The following FHIT variants were observed in gnomAD, a reference collection of about 807,000 sequenced individuals.
FHIT encodes bis(5'-adenosyl)-triphosphatase.
In FHIT, 19 loss-of-function variants were observed where a neutral mutation model predicts 17.9. The observed-to-expected ratio is 1.06, with a 90% CI of 0.74 to 1.56. FHIT has a LOEUF of 1.56. Ranked by LOEUF, FHIT falls within the 40% of genes most tolerant of loss-of-function variation. The pLI, the probability that FHIT is intolerant of heterozygous loss-of-function variation, is 0.00. For synonymous variants in FHIT, 81 were observed against 69.7 expected (o/e 1.16, Z -0.81); for missense variants, 248 against 189.2 (o/e 1.31, Z -1.82).
At chr3:60,452,218 C>G (rs949407374) in intron 5 of FHIT, among the ~76,000 whole-genome samples, 26 of 152,280 alleles carry the variant, frequency 1.7e-4, no homozygotes, top group Middle Eastern at 3.4e-3. Context: ...AGCAGCCACA[C>G]TCAATAATAA....
At chr3:60,832,448 A>T (rs1209594526) in intron 3 of FHIT, among the ~76,000 whole-genome samples, 1 of 152,158 alleles carries the variant, frequency 6.6e-6, no homozygotes, top group East Asian at 1.9e-4. Context: ...TGTCTGTGTC[A>T]CTCTCACCCA....
At chr3:60,322,137 C>A (rs1017026001) in intron 5 of FHIT, among the ~76,000 whole-genome samples, 3 of 152,226 alleles carry the variant, frequency 2.0e-5, no homozygotes, top group Admixed American at 1.3e-4. Context: ...GTGGGCCCAA[C>A]AGCTTATTTT....
intron 5 of FHIT, among the ~76,000 whole-genome samples, chr3:60,312,436 C>A (rs980585498): frequency 6.6e-6 from 1 of 152,166 alleles, no homozygotes; most frequent in Non-Finnish European, 1.5e-5. Flanking sequence ...AGCCACCTCA[C>A]CCAGCCACAA....
At chr3:60,064,305 C>T (rs1458336914) in intron 5 of FHIT, among the ~76,000 whole-genome samples, 2 of 152,164 alleles carry the variant, frequency 1.3e-5, no homozygotes, top group African/African-American at 4.8e-5. Context: ...ATTTACTTCA[C>T]TGAACTCCGA....
Position 60,781,483 on chromosome 3 carries a change from T to A in FHIT, c.-18+40436A>T, listed in dbSNP as rs1470735482. 1.2e-4 allele frequency among the ~76,000 whole-genome samples: 18 copies of A among 151,836 alleles called. No homozygotes were observed. In the East Asian group the frequency reaches 1.9e-3, roughly 16 times the overall value. On this transcript the variant is annotated intron_variant, in intron 4 of 9. Transcript: ENST00000492590. ...GAGATTAGTAAGGAGGTTAATATTT[T>A]AAAAAAAATAGAAAAGGGAGAAATA... is the stretch of plus-strand genomic sequence containing the variant.
intron 4 of FHIT, among the ~76,000 whole-genome samples, chr3:60,709,577 T>C (rs1273553960): frequency 1.3e-5 from 2 of 152,224 alleles, no homozygotes; most frequent in African/African-American, 4.8e-5. Context: ...ATGTGAAATT[T>C]TGTAACAGTG....
chr3:59,981,537 A>G (rs1708654656), intron 7 of FHIT, among the ~76,000 whole-genome samples: 1 of 152,146 alleles, frequency 6.6e-6, no homozygotes, highest in African/African-American at 2.4e-5. Context: ...ACAGATTCCC[A>G]CAGTGGCAGT....
At chr3:60,642,080 C>G (rs2039739131) in intron 4 of FHIT, among the ~76,000 whole-genome samples, 1 of 152,078 alleles carries the variant, frequency 6.6e-6, no homozygotes, top group Admixed American at 6.5e-5. Flanking sequence ...GAAAGACTTC[C>G]ATGGGAGTAA....
intron 5 of FHIT, among the ~76,000 whole-genome samples, chr3:60,495,120 C>A (rs1022550743): frequency 6.6e-6 from 1 of 152,174 alleles, no homozygotes; most frequent in Non-Finnish European, 1.5e-5. Flanking sequence ...TTCTCTACAT[C>A]CCCGCCAGCA....
rs373501097 is a variant in FHIT, at chr3:60,011,385, C to T, written c.265G>A (p.Gly89Arg). Reference sequence around the variant, plus strand: ...TAAGCACTCACCTTCACAGTCTGTCCGGCTTCGGGGCCATCCTAGAAGTAG... The same window carrying T: ...TAAGCACTCACCTTCACAGTCTGTCTGGCTTCGGGGCCATCCTAGAAGTAG... ...TFSMQDGPEA[G>R]QTVKHVHVHV... Residue 89 changes from glycine (G) to arginine (R), a missense_variant, in exon 7 of 10, where the codon GGA (glycine) becomes AGA (arginine). Coordinates refer to ENST00000492590, the MANE Select transcript of FHIT (RefSeq NM_002012.4). The T allele has an allele frequency of 2.0e-5, 33 of 1,613,436 alleles. No individual in the cohort carries two copies. The East Asian group carries it at 2.7e-4, about 13-fold the overall frequency.
chr3:60,357,877 T>C (rs1699743381), intron 5 of FHIT, among the ~76,000 whole-genome samples: 1 of 152,140 alleles, frequency 6.6e-6, no homozygotes, highest in Non-Finnish European at 1.5e-5. Context: ...ATTCCATCCT[T>C]CTCCATCATA....
At chr3:60,913,705 TG>T (rs1339679344) in intron 3 of FHIT, among the ~76,000 whole-genome samples, 1 of 152,200 alleles carries the variant, frequency 6.6e-6, no homozygotes, top group African/African-American at 2.4e-5. Context: ...TGGTGTTGAC[TG>T]GGGTAGTTCA....
chr3:60,543,907 C>CTTTTTTTTTTTTTTTTTTT lies in FHIT; in HGVS notation c.-17-6947_-17-6929dup, dbSNP rs71092612. Among the ~76,000 whole-genome samples the CTTTTTTTTTTTTTTTTTTT allele has an allele frequency of 6.2e-3, 325 of 52,046 alleles. 17 individuals are homozygous for CTTTTTTTTTTTTTTTTTTT. The highest frequency in any genetic ancestry group is 0.012 in the East Asian group (11 of 904). The allele number at this position is 52,046 out of a possible 152,430, so 34.1% of individuals were successfully genotyped here. A position where few individuals can be genotyped will look rare whatever the true frequency, so the allele number is the denominator to read the frequency against. Reference sequence around the variant, plus strand: ...CTACAAGCGCCCGCACCACGCCCGGCTTTTTTTTTTTTTTTTTTTTTTTTG... The same window carrying CTTTTTTTTTTTTTTTTTTT: ...CTACAAGCGCCCGCACCACGCCCGGCTTTTTTTTTTTTTTTTTTTTTTTTTTTTTTTTTTTTTTTTTTTG... On this transcript the variant is annotated intron_variant, in intron 4 of 9. Transcript: ENST00000492590.
intron 3 of FHIT, among the ~76,000 whole-genome samples, chr3:60,927,723 T>G (rs1411860984): frequency 3.4e-5 from 5 of 147,046 alleles, no homozygotes; most frequent in African/African-American, 5.1e-5. Flanking sequence ...GCCCCGTCTG[T>G]GAGGTGGGCG....
At chr3:60,409,962 A>C (rs1702004063) in intron 5 of FHIT, among the ~76,000 whole-genome samples, 1 of 152,208 alleles carries the variant, frequency 6.6e-6, no homozygotes, top group African/African-American at 2.4e-5. Flanking sequence ...TTCTAAATTC[A>C]ACCTTAAATA....
intron 5 of FHIT, among the ~76,000 whole-genome samples, chr3:60,247,796 T>C (rs577164310): frequency 6.6e-6 from 1 of 152,262 alleles, no homozygotes; most frequent in East Asian, 1.9e-4. Context: ...GAAATTCACA[T>C]ATCTACTTCA....
At chr3:61,039,049 A>G (rs2033383192) in intron 3 of FHIT, among the ~76,000 whole-genome samples, 1 of 152,184 alleles carries the variant, frequency 6.6e-6, no homozygotes, top group African/African-American at 2.4e-5. Context: ...AACTTCCATA[A>G]TAATTTAAAG....
intron 2 of FHIT, among the ~76,000 whole-genome samples, chr3:61,151,874 C>T (rs1335241782): frequency 1.3e-5 from 2 of 152,154 alleles, no homozygotes; most frequent in Non-Finnish European, 2.9e-5. Context: ...TAAACCACCA[C>T]TCTCGGCCTG....
intron 3 of FHIT, among the ~76,000 whole-genome samples, chr3:60,844,401 C>T (rs1368869645): frequency 3.9e-5 from 6 of 152,106 alleles, no homozygotes; most frequent in African/African-American, 1.4e-4. Context: ...ACCCTACACA[C>T]ATAAACCCAC....
Sources: allele counts gnomAD v4.1 joint callset (sites outside exome capture counted in the v4.1 genomes callset), GRCh38; gene constraint gnomAD v4.1.1; transcripts MANE v1.5; gene names NCBI Gene and HGNC (gene_info 2026-07-23, HGNC 2026-07-21).